STPG2: variants seen among roughly 807,000 people sequenced by gnomAD.
STPG2 encodes the protein sperm tail PG-rich repeat containing 2.
A neutral mutation model predicts 54.2 loss-of-function variants in STPG2; 56 were observed. The ratio of observed to expected loss-of-function variants is 1.03; its 90% CI spans 0.83 to 1.29. The LOEUF (loss-of-function observed/expected upper bound fraction) is 1.29. Among genes scored for constraint, STPG2 ranks in the 50% most tolerant of loss-of-function variants. The pLI, the probability that STPG2 is intolerant of heterozygous loss-of-function variation, is 0.00. For missense variants in STPG2, 596 were observed against 544.9 expected (o/e 1.09, Z -0.93); for synonymous variants, 200 against 181.8 (o/e 1.10, Z -0.81).
At chr4:98,128,712 T>A in intron 2 of STPG2, 120 bp from the exon 3 acceptor site, 1 of 814,564 alleles carries the variant, frequency 1.2e-6, no homozygotes, top group Non-Finnish European at 1.8e-6. Context: ...TTTCATGATA[T>A]AAAACAAAAA....
At chr4:97,498,272 T>C (rs374321384) in intron 4 of STPG2, among the ~76,000 whole-genome samples, 17 of 152,018 alleles carry the variant, frequency 1.1e-4, no homozygotes, top group African/African-American at 4.1e-4. Context: ...AGGCATCATG[T>C]TCCTAGAGTG....
At chr4:97,757,189 C>T (rs912958421) in intron 9 of STPG2, among the ~76,000 whole-genome samples, 21 of 152,086 alleles carry the variant, frequency 1.4e-4, no homozygotes, top group African/African-American at 5.1e-4. Flanking sequence ...TGGTATGGTC[C>T]CTCTTATTTA....
chr4:98,121,872 T>A (rs1014089049), intron 3 of STPG2, among the ~76,000 whole-genome samples: 6 of 151,872 alleles, frequency 4.0e-5, no homozygotes, highest in Admixed American at 6.6e-5. Context: ...CAGGCGTGCA[T>A]CACCATGCCA....
chr4:98,023,405 A>C (rs1206619557), intron 5 of STPG2, among the ~76,000 whole-genome samples: 1 of 152,212 alleles, frequency 6.6e-6, no homozygotes, highest in Non-Finnish European at 1.5e-5. Flanking sequence ...GTTTTGTCTC[A>C]GAGGAGTACT....
chr4:97,842,565 G>A (rs1022461938), intron 8 of STPG2, among the ~76,000 whole-genome samples: 14 of 151,786 alleles, frequency 9.2e-5, no homozygotes, highest in African/African-American at 2.7e-4. Context: ...AACACCCTAC[G>A]TGGTGTCACC....
chr4:97,533,091 C>G (rs986042441), intron 4 of STPG2, among the ~76,000 whole-genome samples: 2 of 151,962 alleles, frequency 1.3e-5, no homozygotes, highest in Non-Finnish European at 2.9e-5. Flanking sequence ...CTGTGTTAGC[C>G]AGGATGGTTT....
intron 9 of STPG2, among the ~76,000 whole-genome samples, chr4:97,738,381 T>C (rs1169231605): frequency 6.6e-6 from 1 of 152,100 alleles, no homozygotes; most frequent in African/African-American, 2.4e-5. Context: ...TAAACGTAAA[T>C]GGACTAAATG....
intron 5 of STPG2, among the ~76,000 whole-genome samples, chr4:98,030,205 A>T (rs6833312): frequency 0.39 from 59,817 of 151,896 alleles, 11,991 homozygotes; most frequent in Middle Eastern, 0.46. Flanking sequence ...GTATCTGAGA[A>T]AGCAGCTGCA....
chr4:97,638,751 C>G (rs1190993302), intron 10 of STPG2, among the ~76,000 whole-genome samples: 1 of 148,464 alleles, frequency 6.7e-6, no homozygotes, highest in Non-Finnish European at 1.5e-5. Flanking sequence ...AAAATGCTCA[C>G]CATCACTGGC....
At chr4:97,974,190 G>A (rs1239455767) in intron 6 of STPG2, among the ~76,000 whole-genome samples, 2 of 152,140 alleles carry the variant, frequency 1.3e-5, no homozygotes, top group Non-Finnish European at 2.9e-5. Flanking sequence ...CTGCCCCACT[G>A]GATTTCAGAC....
chr4:98,115,233 C>A (rs1219429623), intron 3 of STPG2, among the ~76,000 whole-genome samples: 1 of 151,864 alleles, frequency 6.6e-6, no homozygotes, highest in Non-Finnish European at 1.5e-5. Context: ...GCCCAAAGTG[C>A]AATAATTCAA....
chr4:98,123,036 G>A (rs111937886), intron 3 of STPG2, among the ~76,000 whole-genome samples: 4 of 152,178 alleles, frequency 2.6e-5, no homozygotes, highest in African/African-American at 9.6e-5. Context: ...TGGGGTCAGT[G>A]ATGAGATCTC....
intron 9 of STPG2, among the ~76,000 whole-genome samples, chr4:97,742,731 A>G (rs1035738104): frequency 3.1e-5 from 4 of 130,680 alleles, no homozygotes; most frequent in Non-Finnish European, 6.8e-5. Flanking sequence ...AAACAAAAAC[A>G]GAGTAAAACA....
chr4:98,122,794 G>A (rs9760228), intron 3 of STPG2, among the ~76,000 whole-genome samples: 302 of 152,292 alleles, frequency 2.0e-3, no homozygotes, highest in African/African-American at 7.1e-3. Context: ...GAATTTAGCT[G>A]TAAATCTGTC....
intron 10 of STPG2, among the ~76,000 whole-genome samples, chr4:97,637,455 C>A (rs1721595600): frequency 6.6e-6 from 1 of 152,144 alleles, no homozygotes; most frequent in Non-Finnish European, 1.5e-5. Context: ...CCCTCTCTCA[C>A]AACTCCTATT....
intron 9 of STPG2, among the ~76,000 whole-genome samples, chr4:97,774,022 TG>T (rs1253078195): frequency 1.3e-5 from 2 of 151,826 alleles, no homozygotes; most frequent in Non-Finnish European, 2.9e-5. Flanking sequence ...TGTGTGTGTG[TG>T]TGTCAGAAAG....
chr4:98,049,825 C>T (rs1477292110), intron 5 of STPG2, among the ~76,000 whole-genome samples: 2 of 152,086 alleles, frequency 1.3e-5, no homozygotes, highest in Non-Finnish European at 2.9e-5. Context: ...ATTTATGTCC[C>T]TCCTGATTTT....
chr4:97,487,694 T>C (rs768562037), intron 4 of STPG2, among the ~76,000 whole-genome samples: 1 of 151,382 alleles, frequency 6.6e-6, no homozygotes, highest in Non-Finnish European at 1.5e-5. Context: ...TACTAATGGT[T>C]GGATTAAGTT....
chr4:97,457,093 T>C (rs1560616665), intron 4 of STPG2, among the ~76,000 whole-genome samples: 2 of 151,954 alleles, frequency 1.3e-5, no homozygotes, highest in Non-Finnish European at 2.9e-5. Context: ...AAGCAAAACA[T>C]TGATAATACC....
Sources: allele counts gnomAD v4.1 joint callset (sites outside exome capture counted in the v4.1 genomes callset), GRCh38; gene constraint gnomAD v4.1.1; transcripts MANE v1.5; gene names NCBI Gene and HGNC (gene_info 2026-07-23, HGNC 2026-07-21).